The following ABCC6 variants were observed in gnomAD, a reference collection of about 807,000 sequenced individuals.
The protein encoded by ABCC6 is ATP-binding cassette sub-family C member 6.
ABCC6 carries 126 observed loss-of-function variants against 169.5 expected under a neutral mutation model. The ratio of observed to expected loss-of-function variants is 0.74; its 90% CI spans 0.64 to 0.86. ABCC6 has a LOEUF of 0.86. ABCC6 is among the 40% of genes least tolerant of loss of function. The pLI is 0.00. For missense variants in ABCC6, 1,733 were observed against 1,927.2 expected, an observed-to-expected ratio of 0.90 and a Z score of 1.89; for synonymous variants, 752 against 814.7, an observed-to-expected ratio of 0.92 and a Z score of 1.31.
At position 16,209,244 on chromosome 16, in the gene ABCC6, C is replaced by T. The variant is rs1248891387; in HGVS notation, c.663-385G>A. On this transcript the variant is annotated intron_variant, in intron 6 of 30. Transcript: ENST00000205557. ...GATTACAGGCACCCACCACCATACCCGGCTAATTTTTGTATTTTTTGTAGA... is the reference window on the plus strand; with the variant it reads ...GATTACAGGCACCCACCACCATACCTGGCTAATTTTTGTATTTTTTGTAGA... Among the ~76,000 whole-genome samples the T allele has an allele frequency of 4.6e-5, 7 of 151,954 alleles. No individual in the cohort carries two copies. The East Asian group carries it at 5.8e-4, about 13-fold the overall frequency.
intron 11 of ABCC6, among the ~76,000 whole-genome samples, chr16:16,191,579 G>T (rs527264023): frequency 6.6e-6 from 1 of 150,538 alleles, no homozygotes; most frequent in East Asian, 1.9e-4. Context: ...TCTCTTTCCC[G>T]CCTTTTCTTT....
intron 4 of ABCC6, among the ~76,000 whole-genome samples, chr16:16,215,027 G>A (rs1170257289): frequency 3.3e-5 from 5 of 152,226 alleles, no homozygotes; most frequent in Non-Finnish European, 5.9e-5. Context: ...CTGGGACAAT[G>A]AGATGAAGAA....
At chr16:16,161,343 T>C in intron 25 of ABCC6, 95 bp downstream of exon 25, 1 of 1,578,594 alleles carries the variant, frequency 6.3e-7, no homozygotes, top group Non-Finnish European at 8.7e-7. Flanking sequence ...CCATGTTGGT[T>C]TGGACACAGG....
intron 26 of ABCC6, among the ~76,000 whole-genome samples, chr16:16,158,235 G>GTGTT (rs2046611959): frequency 6.6e-6 from 1 of 152,150 alleles, no homozygotes; most frequent in Non-Finnish European, 1.5e-5. Context: ...CATGTATTGA[G>GTGTT]TGTTTGCAAT....
At chr16:16,158,203 T>C (rs1393130395) in intron 26 of ABCC6, among the ~76,000 whole-genome samples, 1 of 152,156 alleles carries the variant, frequency 6.6e-6, no homozygotes, top group Admixed American at 6.5e-5. Flanking sequence ...ATCTGGGAAA[T>C]AGGGCTAATA....
chr16:16,209,105 A>G (rs1302390178), intron 6 of ABCC6, among the ~76,000 whole-genome samples: 6 of 152,074 alleles, frequency 3.9e-5, no homozygotes, highest in Admixed American at 3.3e-4. Context: ...TTTGTTTGAG[A>G]TGGAGTCTTG....
intron 17 of ABCC6, among the ~76,000 whole-genome samples, chr16:16,181,344 GAA>G (rs749040729): frequency 0.015 from 1,146 of 78,256 alleles, 11 homozygotes; most frequent in African/African-American, 0.049. Context: ...CTCCGTCTCA[GAA>G]AAAAAAAAAA....
chr16:16,151,253 G>A (rs770040837), intron 29 of ABCC6, among the ~76,000 whole-genome samples: 13 of 152,100 alleles, frequency 8.5e-5, no homozygotes, highest in Non-Finnish European at 1.8e-4. Context: ...GTAGAGATGG[G>A]GTTTCACCAT....
chr16:16,159,710 G>A, intron 25 of ABCC6, 127 bp from the exon 26 acceptor site: 1 of 817,688 alleles, frequency 1.2e-6, no homozygotes. Flanking sequence ...GGCAGGAATG[G>A]GACAGTCTGA....
chr16:16,160,644 A>G lies in ABCC6; in HGVS notation c.3633+794T>C, dbSNP rs919142888. Among the ~76,000 whole-genome samples, 313 of 150,532 alleles carry G rather than the reference A, an allele frequency of 2.1e-3. 2 individuals carry two copies. The highest frequency in any genetic ancestry group is 6.7e-3 in the African/African-American group (275 of 41,088). On this transcript the variant is annotated intron_variant, in intron 25 of 30. Transcript: ENST00000205557. Reference sequence around the variant, plus strand: ...TGTTTCTACCAAAAAAAAAAAAAAAAAAAAAAAAAAAATTAGCCAGGCATG... The same window carrying G: ...TGTTTCTACCAAAAAAAAAAAAAAAGAAAAAAAAAAAATTAGCCAGGCATG...
chr16:16,172,634 G>A (rs924463772), intron 21 of ABCC6, among the ~76,000 whole-genome samples: 4 of 152,110 alleles, frequency 2.6e-5, no homozygotes, highest in Non-Finnish European at 4.4e-5. Context: ...ATACATAGCA[G>A]TATAGAAGAT....
At chr16:16,184,427 G>A (rs2047580430) in intron 15 of ABCC6, among the ~76,000 whole-genome samples, 1 of 152,056 alleles carries the variant, frequency 6.6e-6, no homozygotes, top group Admixed American at 6.6e-5. Context: ...AACAGAGCGT[G>A]GCCCATACCT....
chr16:16,190,501 C>T, intron 11 of ABCC6, 134 bp from the exon 12 acceptor site: 1 of 924,450 alleles, frequency 1.1e-6, no homozygotes, highest in Non-Finnish European at 1.7e-6. Flanking sequence ...CTCTCAGCAC[C>T]TCTGACCCTC....
intron 20 of ABCC6, 68 bp downstream of exon 20, chr16:16,175,843 G>C (rs920872496): frequency 6.4e-7 from 1 of 1,564,186 alleles, no homozygotes; most frequent in African/African-American, 1.4e-5. Context: ...CCCGAGATGC[G>C]GGTGGTCCCT....
In ABCC6 at chr16:16,168,432, G is replaced by T. The variant is rs967326704; in HGVS notation, c.2995+1214C>A. On this transcript the variant is annotated intron_variant, in intron 22 of 30. Coordinates refer to ENST00000205557, the MANE Select transcript of ABCC6 (RefSeq NM_001171.6). ...GCCCAGGAGGCAGAGGTTGCAGTGAGCCGAGTTCGTGCCACTGCATTCCAG... is the reference window on the plus strand; with the variant it reads ...GCCCAGGAGGCAGAGGTTGCAGTGATCCGAGTTCGTGCCACTGCATTCCAG... Among the ~76,000 whole-genome samples the T allele has an allele frequency of 2.8e-4, 43 of 152,214 alleles. 1 individual carries two copies. The highest frequency in any genetic ancestry group is 9.9e-4 in the African/African-American group (41 of 41,452).
In ABCC6 at chr16:16,163,082, TG is replaced by T; in HGVS notation, c.3416del (p.Ala1139AspfsTer16). 1 of 1,613,916 alleles carries T rather than the reference TG, an allele frequency of 6.2e-7. No individual in the cohort carries two copies. Among genetic ancestry groups the T allele is most frequent in the African/African-American group, 1.3e-5 (1 of 75,066 alleles). ...ETFQGSTVVRAFRTQAPFVAQ... is the reference protein window; with the variant it reads ...ETFQGSTVVRXFRTQAPFVAQ... ...CCACAAAGGGGGCCTGGGTTCGGAATGCCCGGACCACTGTGCTGCCCTGGAA... is the reference window on the plus strand; with the variant it reads ...CCACAAAGGGGGCCTGGGTTCGGAATCCCGGACCACTGTGCTGCCCTGGAA... On this transcript the variant is annotated frameshift_variant, in exon 24 of 31. Transcript: ENST00000205557. LOFTEE classifies it high-confidence loss of function.
chr16:16,159,430 C>A, intron 26 of ABCC6, 52 bp downstream of exon 26: 5 of 1,523,890 alleles, frequency 3.3e-6, no homozygotes, highest in Non-Finnish European at 3.6e-6. Context: ...CCCATTGCCC[C>A]CCCCCACAAT....
At chr16:16,167,347 G>A (rs1484406753) in intron 22 of ABCC6, among the ~76,000 whole-genome samples, 1 of 152,238 alleles carries the variant, frequency 6.6e-6, no homozygotes, top group African/African-American at 2.4e-5. Context: ...TGTCACAGAG[G>A]AGGGAAATAA....
At position 16,150,125 on chromosome 16, in the gene ABCC6, G is replaced by A. The variant is rs751851580; in HGVS notation, c.*8C>T. 4.3e-6 allele frequency: 7 copies of A among 1,612,118 alleles called. No individual in the cohort carries two copies. Among genetic ancestry groups the A allele is most frequent in the Non-Finnish European group, 5.9e-6 (7 of 1,179,964 alleles). ...TGGTCCAACTGGGGTACGGTTGAGG[G>A]TCCTGGCTCAGACCAGGCCTGACTC... On this transcript the variant is annotated 3_prime_UTR_variant, in exon 31 of 31. Coordinates refer to ENST00000205557, the MANE Select transcript of ABCC6 (RefSeq NM_001171.6).
Sources: allele counts gnomAD v4.1 joint callset (sites outside exome capture counted in the v4.1 genomes callset), GRCh38; gene constraint gnomAD v4.1.1; transcripts MANE v1.5; gene names NCBI Gene and HGNC (gene_info 2026-07-23, HGNC 2026-07-21).